FBN2: variants seen among roughly 807,000 people sequenced by gnomAD.
FBN2 encodes the protein fibrillin 2, also known as fibrillin-2.
FBN2 carries 105 observed loss-of-function variants against 355.6 expected under a neutral mutation model. The ratio of observed to expected loss-of-function variants is 0.30; its 90% CI spans 0.25 to 0.35. FBN2 has a LOEUF of 0.35. Ranked by LOEUF, FBN2 falls within the 10% of genes least tolerant of loss-of-function variation. FBN2 has a pLI of 1.00. For missense variants in FBN2, 3,280 were observed against 3,758.7 expected, an observed-to-expected ratio of 0.87 and a Z score of 3.33; for synonymous variants, 1,350 against 1,301.2, an observed-to-expected ratio of 1.04 and a Z score of -0.81.
intron 2 of FBN2, among the ~76,000 whole-genome samples, chr5:128,532,241 C>T (rs1469460701): frequency 3.3e-5 from 5 of 152,132 alleles, no homozygotes; most frequent in Admixed American, 6.5e-5. Flanking sequence ...CACAACCTAG[C>T]GTATTCCTAC....
chr5:128,337,637 G>A lies in FBN2; in HGVS notation c.3598+360C>T, dbSNP rs79723634. Among the ~76,000 whole-genome samples the A allele has an allele frequency of 3.3e-5, 5 of 152,338 alleles. No individual in the cohort carries two copies. The South Asian group carries it at 6.2e-4, about 19-fold the overall frequency. On this transcript the variant is annotated intron_variant, in intron 27 of 64. Transcript: ENST00000262464. ...GTGAGCAGGCACAGGGGCGTAGAGC[G>A]GAGTCTGCCGAGTGGATGGGAAGAC...
At chr5:128,305,399 T>C (rs1749840224) in intron 44 of FBN2, 112 bp downstream of exon 44, 4 of 1,233,190 alleles carry the variant, frequency 3.2e-6, no homozygotes, top group Non-Finnish European at 4.8e-6. Context: ...TCACTATAAA[T>C]GAACAGGTTA....
intron 6 of FBN2, among the ~76,000 whole-genome samples, chr5:128,449,183 T>C (rs1754154582): frequency 6.6e-6 from 1 of 150,894 alleles, no homozygotes; most frequent in Non-Finnish European, 1.5e-5. Flanking sequence ...TTGGATGTTA[T>C]AACACATAGA....
At chr5:128,302,579 G>C (rs1749748526) in intron 46 of FBN2, among the ~76,000 whole-genome samples, 1 of 152,294 alleles carries the variant, frequency 6.6e-6, no homozygotes, top group South Asian at 2.1e-4. Flanking sequence ...GAGGCTACTG[G>C]TACTTGAATG....
chr5:128,301,134 T>A (rs1247475547), intron 47 of FBN2, among the ~76,000 whole-genome samples, 198 bp from the exon 48 acceptor site: 2 of 152,224 alleles, frequency 1.3e-5, no homozygotes, highest in Non-Finnish European at 2.9e-5. Context: ...TTTTCTTTAT[T>A]TGTTGTCTTT....
chr5:128,309,488 T>C, intron 40 of FBN2, 89 bp from the exon 41 acceptor site: 2 of 1,106,034 alleles, frequency 1.8e-6, no homozygotes, highest in South Asian at 1.3e-5. Flanking sequence ...CAAGCTTTCC[T>C]GATGAACACA....
intron 8 of FBN2, among the ~76,000 whole-genome samples, chr5:128,408,234 T>C (rs1314485159): frequency 1.3e-5 from 2 of 152,192 alleles, no homozygotes; most frequent in Non-Finnish European, 2.9e-5. Context: ...AGGGAGAGCA[T>C]ACAATGGTTT....
chr5:128,345,628 T>A, intron 23 of FBN2, 44 bp from the exon 24 acceptor site: 1 of 1,527,568 alleles, frequency 6.5e-7, no homozygotes, highest in Non-Finnish European at 9.1e-7. Flanking sequence ...AGTTGAAACA[T>A]CCATTGAACA....
intron 6 of FBN2, among the ~76,000 whole-genome samples, chr5:128,457,842 C>CAAAAAAA (rs560905143): frequency 1.6e-5 from 2 of 125,448 alleles, no homozygotes; most frequent in Non-Finnish European, 3.4e-5. Flanking sequence ...CCAGACACTG[C>CAAAAAAA]AAAAAAAAAA....
At chr5:128,421,115 G>A (rs1040307843) in intron 7 of FBN2, among the ~76,000 whole-genome samples, 2 of 152,166 alleles carry the variant, frequency 1.3e-5, no homozygotes, top group Non-Finnish European at 2.9e-5. Context: ...ATGACCTGAG[G>A]GCATTTACTT....
At chr5:128,326,180 G>A (rs1750540180) in intron 34 of FBN2, among the ~76,000 whole-genome samples, 1 of 152,102 alleles carries the variant, frequency 6.6e-6, no homozygotes, top group Admixed American at 6.6e-5. Flanking sequence ...CTTTAGTACA[G>A]TTTAAATAAC....
intron 19 of FBN2, among the ~76,000 whole-genome samples, 184 bp from the exon 20 acceptor site, chr5:128,357,579 A>G (rs62375019): frequency 6.6e-6 from 1 of 152,224 alleles, no homozygotes; most frequent in East Asian, 1.9e-4. Flanking sequence ...ATACACATCT[A>G]TAGGACTGGG....
At chr5:128,445,727 A>G (rs1057345178) in intron 7 of FBN2, among the ~76,000 whole-genome samples, 2 of 152,178 alleles carry the variant, frequency 1.3e-5, no homozygotes, top group African/African-American at 4.8e-5. Flanking sequence ...CATTGTATCA[A>G]AACTACTAGA....
chr5:128,435,943 T>C (rs1476965365), intron 7 of FBN2, among the ~76,000 whole-genome samples: 1 of 152,216 alleles, frequency 6.6e-6, no homozygotes, highest in Non-Finnish European at 1.5e-5. Flanking sequence ...TAAAGAACTC[T>C]TTCTGGTCTA....
At chr5:128,269,052 G>A (rs1765196994) in intron 62 of FBN2, among the ~76,000 whole-genome samples, 1 of 152,000 alleles carries the variant, frequency 6.6e-6, no homozygotes, top group South Asian at 2.1e-4. Flanking sequence ...GAAATAAAGG[G>A]TATTCAAATA....
intron 48 of FBN2, among the ~76,000 whole-genome samples, chr5:128,295,632 CTGTT>C (rs1269999829): frequency 1.7e-5 from 2 of 116,724 alleles, no homozygotes; most frequent in Non-Finnish European, 3.4e-5. Flanking sequence ...ATTTGGCTCT[CTGTT>C]TGTCTGTTGT....
intron 10 of FBN2, 56 bp from the exon 11 acceptor site, chr5:128,392,211 T>C: frequency 6.7e-7 from 1 of 1,497,688 alleles, no homozygotes; most frequent in Non-Finnish European, 9.3e-7. Context: ...ATTACTTTTC[T>C]GAATTGATTT....
chr5:128,288,419 T>C lies in FBN2; in HGVS notation c.6757+19A>G. 1 of 1,613,112 alleles carries C rather than the reference T, an allele frequency of 6.2e-7. No homozygotes were observed. The highest frequency in any genetic ancestry group is 1.1e-5 in the South Asian group (1 of 91,060). On this transcript the variant is annotated intron_variant, in intron 53 of 64. Coordinates refer to ENST00000262464, the MANE Select transcript of FBN2 (RefSeq NM_001999.4). ...TTCTATGTCAAGAAGAAATAATATT[T>C]AAGACAAAGATCACTTGCCTTCACA...
At chr5:128,267,971 G>A (rs1290730045) in intron 62 of FBN2, among the ~76,000 whole-genome samples, 1 of 152,112 alleles carries the variant, frequency 6.6e-6, no homozygotes, top group Non-Finnish European at 1.5e-5. Flanking sequence ...AGTTAAAAGA[G>A]CTAGAGAAGC....
Sources: gnomAD v4.1 joint callset for allele counts (sites outside exome capture counted in the v4.1 genomes callset) on GRCh38, gnomAD v4.1.1 for gene constraint, MANE v1.5 for transcripts, NCBI Gene and HGNC (gene_info 2026-07-23, HGNC 2026-07-21) for gene names.